TPGS1: variants seen among roughly 807,000 people sequenced by gnomAD.
The protein encoded by TPGS1 is gene trap ROSA b-geo 22.
TPGS1 carries 18 observed loss-of-function variants against 11.9 expected under a neutral mutation model. The ratio of observed to expected loss-of-function variants is 1.51; its 90% CI spans 1.04 to 2.24. The LOEUF is 2.24. Ranked by LOEUF, TPGS1 falls within the 30% of genes most tolerant of loss-of-function variation. The pLI, the probability that TPGS1 is intolerant of heterozygous loss-of-function variation, is 0.00. For synonymous variants in TPGS1, 247 were observed against 218.2 expected, an observed-to-expected ratio of 1.13 and a Z score of -1.16; for missense variants, 500 against 443.0, an observed-to-expected ratio of 1.13 and a Z score of -1.16.
intron 1 of TPGS1, chr19:510,274 G>C (rs1978751594): frequency 6.6e-6 from 1 of 152,144 alleles, no homozygotes; most frequent in Non-Finnish European, 1.5e-5. Flanking sequence ...TCGGGAGGCT[G>C]AGGCAGGAGA....
intron 1 of TPGS1, among the ~76,000 whole-genome samples, chr19:514,856 A>C (rs1326757450): frequency 1.3e-5 from 2 of 152,210 alleles, no homozygotes; most frequent in African/African-American, 4.8e-5. Context: ...AGGGTCCTGC[A>C]GCGGCCCCCA....
At chr19:513,842 G>C (rs1387596906) in intron 1 of TPGS1, among the ~76,000 whole-genome samples, 1 of 149,266 alleles carries the variant, frequency 6.7e-6, no homozygotes, top group East Asian at 2.0e-4. Context: ...CACATTTACT[G>C]AGCACCTATT....
chr19:507,500 A>G lies in TPGS1; in HGVS notation c.-7A>G. 1 of 1,406,806 alleles carries G rather than the reference A, an allele frequency of 7.1e-7. No individual in the cohort carries two copies. The highest frequency in any genetic ancestry group is 9.3e-7 in the Non-Finnish European group (1 of 1,076,988). The allele number at this position is 1,406,806 out of a possible 1,614,324, so 87.1% of individuals were successfully genotyped here. ...CGGTGCTTCCGGTCCCGCTGCCCTC[A>G]GCGAAGATGGCGGCAGTGGAGAAGC... is the stretch of plus-strand genomic sequence containing the variant. On this transcript the variant is annotated 5_prime_UTR_variant, in exon 1 of 2. Coordinates refer to ENST00000359315, the MANE Select transcript of TPGS1 (RefSeq NM_033513.3).
chr19:518,956 CCGGGGCTGGA>C lies in TPGS1; in HGVS notation c.411_420del (p.Leu138AlafsTer38), dbSNP rs769723243. 23 of 1,586,672 alleles carry C rather than the reference CCGGGGCTGGA, an allele frequency of 1.4e-5. No homozygotes were observed. Among genetic ancestry groups the C allele is most frequent in the Non-Finnish European group, 2.6e-6 (3 of 1,173,462 alleles). On this transcript the variant is annotated frameshift_variant, in exon 2 of 2. Transcript: ENST00000359315. LOFTEE classifies it high-confidence loss of function. ...GAGCGCCGGCGGGCGCAGGAAGAGG[CCGGGGCTGGA>C]CGGGCGCACCTACAGCGAGCTGCTC...
intron 1 of TPGS1, among the ~76,000 whole-genome samples, chr19:514,748 T>C (rs1375084762): frequency 3.9e-5 from 6 of 152,124 alleles, no homozygotes; most frequent in Non-Finnish European, 8.8e-5. Context: ...TGAGCCTCAG[T>C]TTCCCTATAT....
chr19:519,053 T>C lies in TPGS1; in HGVS notation c.503T>C (p.Val168Ala). Residue 168 changes from valine to alanine, a missense_variant, in exon 2 of 2, where the codon GTG becomes GCG. Physicochemically the swap from Val to Ala is moderately conservative, Grantham distance 64. Transcript: ENST00000359315. ...GTGGTGGCGCCGCTGCTGCGCAAGG[T>C]GCAGTGCCGTGACCACGAGGCGGTG... ...EEVVAPLLRK[V>A]QCRDHEAVPL... The C allele has an allele frequency of 1.3e-6, 2 of 1,543,104 alleles. No individual in the cohort carries two copies. The highest frequency in any genetic ancestry group is 2.4e-5 in the East Asian group (1 of 41,550).
At position 512,939 on chromosome 19, in the gene TPGS1, C is replaced by G. The variant is rs1978843584; in HGVS notation, c.338+5095C>G. On this transcript the variant is annotated intron_variant, in intron 1 of 1. Coordinates refer to ENST00000359315, the MANE Select transcript of TPGS1 (RefSeq NM_033513.3). ...GAGCACCTGCAGCCGCTGCCAAGAG[C>G]CGCGCGGGTTCCCCTGCGGGGGACT... is the stretch of plus-strand genomic sequence containing the variant. Among the ~76,000 whole-genome samples, 2 of 152,250 alleles carry G rather than the reference C, an allele frequency of 1.3e-5. 1 individual carries two copies. Among genetic ancestry groups the G allele is most frequent in the African/African-American group, 4.8e-5 (2 of 41,474 alleles).
chr19:511,932 C>T (rs906662245), intron 1 of TPGS1, among the ~76,000 whole-genome samples: 2 of 152,046 alleles, frequency 1.3e-5, no homozygotes, highest in South Asian at 2.1e-4. Context: ...AGTGCAGTGG[C>T]GCGATCTCGG....
chr19:507,981 G>T, intron 1 of TPGS1, 137 bp downstream of exon 1: 1 of 636,100 alleles, frequency 1.6e-6, no homozygotes. Flanking sequence ...ATGCCTTCTT[G>T]GGTGGGATGG....
At chr19:518,761 G>T (rs1979049163) in intron 1 of TPGS1, 128 bp from the exon 2 acceptor site, 4 of 989,852 alleles carry the variant, frequency 4.0e-6, no homozygotes, top group Non-Finnish European at 5.5e-6. Flanking sequence ...ATGGGGGGTA[G>T]GAGGAGAGGG....
rs566911374 is a variant in TPGS1 at position 516,280 on chromosome 19, T to C, written c.339-2609T>C. Among the ~76,000 whole-genome samples the C allele has an allele frequency of 7.4e-4, 113 of 152,240 alleles. 1 individual carries two copies. Among genetic ancestry groups the C allele is most frequent in the African/African-American group, 2.0e-3 (85 of 41,554 alleles). On this transcript the variant is annotated intron_variant, in intron 1 of 1. Coordinates refer to ENST00000359315, the MANE Select transcript of TPGS1 (RefSeq NM_033513.3). ...AAGTCTGAGCCTCGAACAAAGGGCTTTTCCTATTTTTAAACATCGTAAGGC... is the reference window on the plus strand; with the variant it reads ...AAGTCTGAGCCTCGAACAAAGGGCTCTTCCTATTTTTAAACATCGTAAGGC...
intron 1 of TPGS1, among the ~76,000 whole-genome samples, chr19:516,064 G>A (rs1392096441): frequency 6.6e-6 from 1 of 151,110 alleles, no homozygotes; most frequent in Non-Finnish European, 1.5e-5. Context: ...AAGAAAGAAA[G>A]AAAAGAAAAA....
rs775351801 is a variant in TPGS1 at position 507,808 on chromosome 19, C to T, written c.302C>T (p.Ala101Val). The T allele has an allele frequency of 2.9e-6, 4 of 1,363,716 alleles. No homozygotes were observed. The highest frequency in any genetic ancestry group is 6.1e-5 in the East Asian group (2 of 32,718). The allele number at this position is 1,363,716 out of a possible 1,614,324, so 84.5% of individuals were successfully genotyped here. A position where few individuals can be genotyped will look rare whatever the true frequency, so the allele number is the denominator to read the frequency against. The change falls in exon 1 of 2, where the codon GCG becomes GTG. Residue 101 changes from alanine (A) to valine (V), a missense_variant. Coordinates refer to ENST00000359315, the MANE Select transcript of TPGS1 (RefSeq NM_033513.3). ...CTGCAGCAGCAGCGCCTGGGCCGCGCGCTATGGCACCTTCGCCTGGCCCAC... is the reference window on the plus strand; with the variant it reads ...CTGCAGCAGCAGCGCCTGGGCCGCGTGCTATGGCACCTTCGCCTGGCCCAC... ...LLLQQQRLGR[A>V]LWHLRLAHHS...
chr19:518,551 G>C (rs1419889071), intron 1 of TPGS1, among the ~76,000 whole-genome samples: 12 of 89,760 alleles, frequency 1.3e-4, no homozygotes, highest in Non-Finnish European at 2.3e-4. Context: ...AGGGAGGCCT[G>C]GGCTGGGAGG....
intron 1 of TPGS1, among the ~76,000 whole-genome samples, chr19:513,018 G>C: frequency 6.6e-6 from 1 of 152,240 alleles, no homozygotes. Flanking sequence ...CCTCCTAAGA[G>C]ACCCCAAGCC....
At chr19:518,748 GGGATGGGGGGTAGGAGGAGA>G (rs1979048277) in intron 1 of TPGS1, 121 bp from the exon 2 acceptor site, 6 of 904,464 alleles carry the variant, frequency 6.6e-6, no homozygotes, top group Non-Finnish European at 7.7e-6. Context: ...GGGGAGGCCG[GGGATGGGGGGTAGGAGGAGA>G]GGGGAGGCCA....
intron 1 of TPGS1, chr19:510,133 G>T (rs1978740720): frequency 6.6e-6 from 1 of 152,362 alleles, no homozygotes; most frequent in African/African-American, 2.4e-5. Flanking sequence ...CAGCACTTTG[G>T]GAGGCCGAGG....
At chr19:508,931 T>G (rs1476902086) in intron 1 of TPGS1, 1 of 152,406 alleles carries the variant, frequency 6.6e-6, no homozygotes, top group East Asian at 1.9e-4. Flanking sequence ...GATGATTTGC[T>G]GGAGCCAGGT....
In TPGS1 at chr19:518,986, C is replaced by T; in HGVS notation, c.436C>T (p.Leu146=). Reference sequence around the variant, plus strand: ...GCTGGACGGGCGCACCTACAGCGAGCTGCTCAGGCGCATCTGCCGGGACGG... The same window carrying T: ...GCTGGACGGGCGCACCTACAGCGAGTTGCTCAGGCGCATCTGCCGGGACGG... ...PGLDGRTYSE[L]LRRICRDGQA... Residue 146 remains leucine, a synonymous_variant, in exon 2 of 2, where the codon CTG becomes TTG. Transcript: ENST00000359315. The T allele has an allele frequency of 6.3e-7, 1 of 1,582,362 alleles. No homozygotes were observed. The highest frequency in any genetic ancestry group is 8.5e-7 in the Non-Finnish European group (1 of 1,171,670).
Sources: gnomAD v4.1 joint callset for allele counts (sites outside exome capture counted in the v4.1 genomes callset) on GRCh38, gnomAD v4.1.1 for gene constraint, MANE v1.5 for transcripts, NCBI Gene and HGNC (gene_info 2026-07-23, HGNC 2026-07-21) for gene names.